Variants in SNW1 observed in about 807,000 individuals in gnomAD.
The protein encoded by SNW1 is SNW domain containing 1, also known as SNW domain-containing protein 1.
Under a neutral mutation model 75.6 loss-of-function variants are expected in SNW1, and 9 were observed. That is an observed-to-expected ratio of 0.12 (90% CI 0.07 to 0.21). The LOEUF is 0.21. SNW1 is among the 10% of genes least tolerant of loss of function. The pLI is 1.00. For missense variants in SNW1, 409 were observed against 670.9 expected, an observed-to-expected ratio of 0.61 and a Z score of 4.31; for synonymous variants, 200 against 219.1, an observed-to-expected ratio of 0.91 and a Z score of 0.77.
intron 5 of SNW1, among the ~76,000 whole-genome samples, chr14:77,737,952 ACTGCATTC>A (rs2080685771): frequency 7.6e-6 from 1 of 130,894 alleles, no homozygotes; most frequent in Non-Finnish European, 1.5e-5. Flanking sequence ...AGATTGTGCC[ACTGCATTC>A]CAGCCTGGGT....
chr14:77,752,054 G>C (rs76510917), intron 2 of SNW1, among the ~76,000 whole-genome samples: 32 of 152,292 alleles, frequency 2.1e-4, no homozygotes, highest in African/African-American at 7.2e-4. Context: ...AGAAAATGTG[G>C]ATTTCATATA....
At position 77,723,252 on chromosome 14, in the gene SNW1, A is replaced by G; in HGVS notation, c.1059T>C (p.Asp353=). 3 of 1,614,132 alleles carry G rather than the reference A, an allele frequency of 1.9e-6. No individual in the cohort carries two copies. Among genetic ancestry groups the G allele is most frequent in the Non-Finnish European group, 2.5e-6 (3 of 1,180,014 alleles). ...EKEDGEARER[D]EIRHDRRKER... ...CTTTTCGCCTGTCATGCCGGATTTC[A>G]TCCCTCTCACGTGCCTCCCCATCCT... is the stretch of plus-strand genomic sequence containing the variant. The change falls in exon 11 of 14, where the codon GAT becomes GAC. Residue 353 remains aspartate, a synonymous_variant. Transcript: ENST00000261531.
chr14:77,754,309 G>C (rs930736605), intron 2 of SNW1, among the ~76,000 whole-genome samples: 1 of 152,086 alleles, frequency 6.6e-6, no homozygotes, highest in African/African-American at 2.4e-5. Context: ...CTCCCAAAGT[G>C]CTGGGATTAC....
chr14:77,732,061 T>A (rs2080631746), intron 9 of SNW1, among the ~76,000 whole-genome samples: 1 of 152,232 alleles, frequency 6.6e-6, no homozygotes, highest in Admixed American at 6.5e-5. Context: ...TAATACATTA[T>A]GTAACATTAA....
intron 12 of SNW1, 108 bp from the exon 13 acceptor site, chr14:77,718,638 A>C: frequency 1.5e-6 from 1 of 645,346 alleles, no homozygotes; most frequent in Non-Finnish European, 2.6e-6. Flanking sequence ...TCACATTTTC[A>C]ACAATCTGAA....
chr14:77,753,569 A>C (rs1160852037), intron 2 of SNW1, among the ~76,000 whole-genome samples: 1 of 152,192 alleles, frequency 6.6e-6, no homozygotes, highest in Non-Finnish European at 1.5e-5. Flanking sequence ...GAAAGCTGAC[A>C]AAAAAGCAAC....
intron 10 of SNW1, among the ~76,000 whole-genome samples, chr14:77,728,364 T>C (rs899868695): frequency 2.6e-5 from 4 of 152,078 alleles, no homozygotes; most frequent in Non-Finnish European, 4.4e-5. Context: ...GGCAGGAGAA[T>C]TGCTTGAACC....
intron 2 of SNW1, among the ~76,000 whole-genome samples, chr14:77,754,343 C>T (rs374810110): frequency 1.3e-5 from 2 of 152,122 alleles, no homozygotes; most frequent in African/African-American, 2.4e-5. Context: ...TGCGCCCGAC[C>T]GGAAGCTTGT....
chr14:77,727,730 A>G (rs2080596785), intron 10 of SNW1, among the ~76,000 whole-genome samples: 1 of 152,160 alleles, frequency 6.6e-6, no homozygotes, highest in African/African-American at 2.4e-5. Context: ...CATCCTTGGG[A>G]TGAAGGATAG....
chr14:77,718,331 G>C, intron 13 of SNW1, 36 bp downstream of exon 13: 2 of 1,614,200 alleles, frequency 1.2e-6, no homozygotes, highest in African/African-American at 2.7e-5. Flanking sequence ...GCTTTCACCA[G>C]TGTAAACACT....
intron 10 of SNW1, among the ~76,000 whole-genome samples, chr14:77,727,203 G>A (rs1303001595): frequency 2.6e-5 from 4 of 151,974 alleles, no homozygotes; most frequent in Non-Finnish European, 5.9e-5. Context: ...ACAGGTGAAC[G>A]CCATCATACC....
chr14:77,720,005 C>G (rs192576254), intron 12 of SNW1, among the ~76,000 whole-genome samples: 19 of 152,222 alleles, frequency 1.2e-4, no homozygotes, highest in Admixed American at 1.2e-3. Context: ...GCAATTGGTA[C>G]TAGAAATCAG....
rs1452471802 is a variant in SNW1, at chr14:77,738,854, T to C, written c.457A>G (p.Lys153Glu). ...ITEKTRVALE[K>E]SVSQKVAAAM... ...GCGGCGACCTTCTGTGATACAGATTTTTCTAAGGCTACTCTTGTCTTTTCT... is the reference window on the plus strand; with the variant it reads ...GCGGCGACCTTCTGTGATACAGATTCTTCTAAGGCTACTCTTGTCTTTTCT... Residue 153 changes from lysine to glutamate, a missense_variant, in exon 5 of 14, where the codon AAA (lysine) becomes GAA (glutamate). Physicochemically the swap from Lys to Glu is moderately conservative, Grantham distance 56. This residue lies in a region of SNW1 where 70 missense variants were observed against 136.7 expected (regional missense o/e 0.51). Transcript: ENST00000261531. The C allele has an allele frequency of 6.2e-7, 1 of 1,614,106 alleles. No individual in the cohort carries two copies. The highest frequency in any genetic ancestry group is 2.2e-5 in the East Asian group (1 of 44,898).
At chr14:77,726,097 G>A (rs2080582896) in intron 10 of SNW1, among the ~76,000 whole-genome samples, 2 of 151,926 alleles carry the variant, frequency 1.3e-5, no homozygotes, top group Non-Finnish European at 2.9e-5. Flanking sequence ...TTTTTATTCA[G>A]GATTGCTTTG....
intron 6 of SNW1, among the ~76,000 whole-genome samples, chr14:77,736,540 CTG>C (rs1388833331): frequency 8.5e-6 from 1 of 117,786 alleles, no homozygotes; most frequent in East Asian, 2.3e-4. Context: ...CAGAGCGAGA[CTG>C]TCTCTCAAAA....
intron 3 of SNW1, among the ~76,000 whole-genome samples, chr14:77,750,935 CTA>C (rs760589077): frequency 3.0e-4 from 45 of 152,036 alleles, no homozygotes; most frequent in Non-Finnish European, 5.6e-4. Flanking sequence ...TGAGTCAAGA[CTA>C]TAGGAAAAAA....
intron 3 of SNW1, among the ~76,000 whole-genome samples, chr14:77,742,304 G>A (rs565038543): frequency 2.6e-4 from 39 of 152,224 alleles, no homozygotes; most frequent in African/African-American, 8.4e-4. Flanking sequence ...CCAAAGTGCT[G>A]GGATTACAGG....
intron 2 of SNW1, among the ~76,000 whole-genome samples, chr14:77,753,230 A>G (rs2080821353): frequency 6.6e-6 from 1 of 152,224 alleles, no homozygotes. Flanking sequence ...TAGCCAAGTA[A>G]GAATCTAAAA....
Position 77,718,250 on chromosome 14 carries a change from A to G in SNW1, c.1449T>C (p.Arg483=), listed in dbSNP as rs759542349. 11 of 1,613,504 alleles carry G rather than the reference A, an allele frequency of 6.8e-6. No homozygotes were observed. The East Asian group carries it at 1.8e-4, about 26-fold the overall frequency. ...VPDKEFSGSD[R]RQRGREGPVQ... ...CTGGTCCTTCTCGGCCTCTCTGTCTACGGTCTGAACCAGAAAACTCCTTGT... is the reference window on the plus strand; with the variant it reads ...CTGGTCCTTCTCGGCCTCTCTGTCTGCGGTCTGAACCAGAAAACTCCTTGT... Residue 483 remains arginine (R), a synonymous_variant, in exon 14 of 14, where the codon CGT becomes CGC. Transcript: ENST00000261531.
Sources: allele counts gnomAD v4.1 joint callset (sites outside exome capture counted in the v4.1 genomes callset), GRCh38; gene constraint gnomAD v4.1.1; regional missense constraint gnomAD v4.1.1; transcripts MANE v1.5; gene names NCBI Gene and HGNC (gene_info 2026-07-23, HGNC 2026-07-21).